The following ELF2 variants were observed in gnomAD, a reference collection of about 807,000 sequenced individuals.
ELF2 encodes E74 like ETS transcription factor 2.
ELF2 carries 11 observed loss-of-function variants against 54.8 expected under a neutral mutation model. The observed-to-expected ratio is 0.20, with a 90% CI of 0.13 to 0.33. The LOEUF is 0.33. Ranked by LOEUF, ELF2 falls within the 10% of genes least tolerant of loss-of-function variation. The pLI is 1.00. For missense variants in ELF2, 513 were observed against 703.0 expected (o/e 0.73, Z 3.06); for synonymous variants, 203 against 245.1 (o/e 0.83, Z 1.61).
chr4:139,169,622 C>G (rs752838430), intron 1 of ELF2, among the ~76,000 whole-genome samples: 23 of 152,080 alleles, frequency 1.5e-4, no homozygotes, highest in Non-Finnish European at 3.1e-4. Flanking sequence ...CTTTGGGAGG[C>G]CCAGGTGGGA....
chr4:139,070,928 T>C (rs1560766829), intron 6 of ELF2, among the ~76,000 whole-genome samples: 1 of 152,216 alleles, frequency 6.6e-6, no homozygotes, highest in Non-Finnish European at 1.5e-5. Context: ...CCTTTATTTT[T>C]GCATTTTACT....
rs145687307 is a variant in ELF2, at chr4:139,136,124, G to C, written c.72+1506C>G. ...TATTTGGTCTGGGTAATCTAGGAGG[G>C]GATGGCAGTTCCCCAATCCCTAATG... On this transcript the variant is annotated intron_variant, in intron 3 of 9. Coordinates refer to ENST00000686138, the MANE Select transcript of ELF2 (RefSeq NM_001331036.3). Among the ~76,000 whole-genome samples the C allele has an allele frequency of 1.0e-3, 156 of 152,172 alleles. 1 individual carries two copies. The highest frequency in any genetic ancestry group is 3.7e-3 in the African/African-American group (152 of 41,526).
At chr4:139,157,368 A>G (rs146424320) in intron 1 of ELF2, among the ~76,000 whole-genome samples, 1 of 152,222 alleles carries the variant, frequency 6.6e-6, no homozygotes, top group East Asian at 1.9e-4. Flanking sequence ...GTAAGAAATG[A>G]ACTTAGATAA....
intron 1 of ELF2, among the ~76,000 whole-genome samples, chr4:139,139,917 A>C (rs1405976358): frequency 6.6e-6 from 1 of 151,978 alleles, no homozygotes; most frequent in Non-Finnish European, 1.5e-5. Flanking sequence ...AACTACTATA[A>C]AACAATGTTT....
At chr4:139,166,640 G>A (rs1181158814) in intron 1 of ELF2, among the ~76,000 whole-genome samples, 1 of 152,110 alleles carries the variant, frequency 6.6e-6, no homozygotes, top group African/African-American at 2.4e-5. Context: ...AGGCCGAGGT[G>A]GGCGGATCAC....
intron 7 of ELF2, among the ~76,000 whole-genome samples, chr4:139,063,264 AAAG>A (rs1366551114): frequency 6.6e-6 from 1 of 152,160 alleles, no homozygotes; most frequent in African/African-American, 2.4e-5. Context: ...TCACAGGAAA[AAAG>A]AAAGAAAAAA....
At chr4:139,115,331 G>A (rs911950515) in intron 4 of ELF2, 29 of 1,468,066 alleles carry the variant, frequency 2.0e-5, no homozygotes, top group African/African-American at 1.3e-4. Flanking sequence ...CCCGGGGGCC[G>A]GGGTCGCCAA....
chr4:139,105,932 T>C (rs1275523757), intron 4 of ELF2, among the ~76,000 whole-genome samples: 1 of 152,214 alleles, frequency 6.6e-6, no homozygotes, highest in Non-Finnish European at 1.5e-5. Context: ...CCTTATCACC[T>C]AGGGACTTGT....
chr4:139,063,260 G>GA (rs746507770), intron 7 of ELF2, among the ~76,000 whole-genome samples: 118 of 151,424 alleles, frequency 7.8e-4, no homozygotes, highest in Non-Finnish European at 1.3e-3. Context: ...CCTGTCACAG[G>GA]AAAAAAGAAA....
intron 4 of ELF2, among the ~76,000 whole-genome samples, chr4:139,082,239 G>A (rs1320423843): frequency 6.6e-6 from 1 of 152,096 alleles, no homozygotes; most frequent in African/African-American, 2.4e-5. Context: ...AACATCTCTT[G>A]AACTGTACAT....
At chr4:139,081,369 C>T (rs1731089693) in intron 4 of ELF2, among the ~76,000 whole-genome samples, 1 of 152,060 alleles carries the variant, frequency 6.6e-6, no homozygotes, top group African/African-American at 2.4e-5. Context: ...TTAACATGTA[C>T]CTTAACATGT....
At chr4:139,086,720 G>A (rs1051295159) in intron 4 of ELF2, among the ~76,000 whole-genome samples, 2 of 151,882 alleles carry the variant, frequency 1.3e-5, no homozygotes, top group African/African-American at 4.8e-5. Context: ...ACCCACCAAG[G>A]GTGAAAGTCT....
chr4:139,166,865 C>G (rs1560890382), intron 1 of ELF2, among the ~76,000 whole-genome samples: 2 of 152,150 alleles, frequency 1.3e-5, no homozygotes, highest in East Asian at 3.9e-4. Context: ...GAGACTCCGT[C>G]TCAAAAAAAT....
rs1441286616 is a variant in ELF2, at chr4:139,073,476, G to C, written c.330C>G (p.Cys110Trp). 5 of 1,607,692 alleles carry C rather than the reference G, an allele frequency of 3.1e-6. No homozygotes were observed. In the East Asian group the frequency reaches 1.1e-4, roughly 36 times the overall value. Reference sequence around the variant, plus strand: ...TACCAGGACTTCTTGAATCCCTCAAGCAGGTAGGAGATTCCATATGAAGCA... The same window carrying C: ...TACCAGGACTTCTTGAATCCCTCAACCAGGTAGGAGATTCCATATGAAGCA... ...EALLHMESPT[C>W]LRDSRSPVEV... Residue 110 changes from cysteine (C) to tryptophan (W), a missense_variant, in exon 5 of 10, where the codon TGC becomes TGG. Coordinates refer to ENST00000686138, the MANE Select transcript of ELF2 (RefSeq NM_001331036.3).
At chr4:139,062,288 G>A (rs1166555564) in intron 7 of ELF2, among the ~76,000 whole-genome samples, 8 of 151,328 alleles carry the variant, frequency 5.3e-5, no homozygotes, top group South Asian at 4.2e-4. Flanking sequence ...CTCCTGCCTC[G>A]GCCTCCCGAG....
chr4:139,159,975 T>A (rs1276062323), intron 1 of ELF2, among the ~76,000 whole-genome samples: 3 of 152,158 alleles, frequency 2.0e-5, no homozygotes, highest in Non-Finnish European at 4.4e-5. Flanking sequence ...GGCAATGACT[T>A]TGGCTTACTG....
intron 4 of ELF2, among the ~76,000 whole-genome samples, chr4:139,106,009 C>T (rs1245989895): frequency 6.6e-6 from 1 of 152,156 alleles, no homozygotes; most frequent in East Asian, 1.9e-4. Flanking sequence ...ATGGGTCCAA[C>T]AATCTGTATT....
At chr4:139,062,248 G>A (rs1727976416) in intron 7 of ELF2, among the ~76,000 whole-genome samples, 191 bp from the exon 8 acceptor site, 1 of 151,294 alleles carries the variant, frequency 6.6e-6, no homozygotes, top group Non-Finnish European at 1.5e-5. Context: ...TTGGCTCACT[G>A]CAACCTCCAC....
intron 1 of ELF2, among the ~76,000 whole-genome samples, chr4:139,174,487 A>C (rs559547807): frequency 6.6e-6 from 1 of 152,242 alleles, no homozygotes; most frequent in African/African-American, 2.4e-5. Flanking sequence ...GATGATTAAA[A>C]TGCTGTAAAA....
Sources: allele counts gnomAD v4.1 joint callset (sites outside exome capture counted in the v4.1 genomes callset), GRCh38; gene constraint gnomAD v4.1.1; transcripts MANE v1.5; gene names NCBI Gene and HGNC (gene_info 2026-07-23, HGNC 2026-07-21).